ARHGAP44: variants seen among roughly 807,000 people sequenced by gnomAD.
ARHGAP44 encodes the protein rho GTPase-activating protein 44.
ARHGAP44 carries 43 observed loss-of-function variants against 106.8 expected under a neutral mutation model. The ratio of observed to expected loss-of-function variants is 0.40; its 90% CI spans 0.32 to 0.52. The LOEUF is 0.52. Ranked by LOEUF, ARHGAP44 falls within the 20% of genes least tolerant of loss-of-function variation. The probability of loss-of-function intolerance (pLI) is 0.48; values close to 1 mark genes in which losing one functional copy is unlikely to be tolerated. For missense variants in ARHGAP44, 866 were observed against 1,050.5 expected (o/e 0.82, Z 2.43); for synonymous variants, 439 against 410.3 (o/e 1.07, Z -0.85).
intron 1 of ARHGAP44, among the ~76,000 whole-genome samples, chr17:12,887,967 A>G (rs1044232117): frequency 6.6e-6 from 1 of 151,632 alleles, no homozygotes; most frequent in African/African-American, 2.4e-5. Flanking sequence ...GGGTATGTTA[A>G]TGATATTCCC....
intron 1 of ARHGAP44, among the ~76,000 whole-genome samples, chr17:12,879,528 A>T (rs535174675): frequency 2.4e-4 from 36 of 152,186 alleles, no homozygotes; most frequent in African/African-American, 8.4e-4. Context: ...CATGTAGTTG[A>T]TGTATGAGTA....
intron 16 of ARHGAP44, among the ~76,000 whole-genome samples, chr17:12,968,656 C>A (rs765507233): frequency 5.9e-5 from 9 of 152,104 alleles, no homozygotes; most frequent in African/African-American, 1.7e-4. Flanking sequence ...CAGAGCCCCG[C>A]GAGACTAAGA....
In ARHGAP44 at chr17:12,881,344, C is replaced by T. The variant is rs1234332523; in HGVS notation, c.54-13596C>T. Among the ~76,000 whole-genome samples, 8 of 151,798 alleles carry T rather than the reference C, an allele frequency of 5.3e-5. No homozygotes were observed. In the South Asian group the frequency reaches 1.0e-3, roughly 20 times the overall value. On this transcript the variant is annotated intron_variant, in intron 1 of 20. Coordinates refer to ENST00000379672, the MANE Select transcript of ARHGAP44 (RefSeq NM_014859.6). ...TCATTGGTATTTGACTTTTGTGTAC[C>T]GTGTAGAGTAGAAACCCTATTTCTT...
At chr17:12,889,528 A>T (rs1032141151) in intron 1 of ARHGAP44, among the ~76,000 whole-genome samples, 1 of 152,148 alleles carries the variant, frequency 6.6e-6, no homozygotes, top group African/African-American at 2.4e-5. Context: ...ATTAGATCCC[A>T]CTTCTCAACA....
chr17:12,880,197 T>A (rs1036298313), intron 1 of ARHGAP44, among the ~76,000 whole-genome samples: 5 of 152,152 alleles, frequency 3.3e-5, no homozygotes, highest in African/African-American at 1.2e-4. Context: ...TTCATATTAT[T>A]TATTTGATGC....
At chr17:12,867,430 C>T (rs1415676726) in intron 1 of ARHGAP44, among the ~76,000 whole-genome samples, 1 of 152,096 alleles carries the variant, frequency 6.6e-6, no homozygotes, top group Non-Finnish European at 1.5e-5. Flanking sequence ...GGTCCTCTCA[C>T]CAAAGTGAAT....
intron 7 of ARHGAP44, among the ~76,000 whole-genome samples, chr17:12,937,547 T>A (rs2038584155): frequency 6.6e-6 from 1 of 152,218 alleles, no homozygotes; most frequent in Non-Finnish European, 1.5e-5. Context: ...ATAATTCTTG[T>A]GTTTGCCTGC....
intron 16 of ARHGAP44, 145 bp downstream of exon 16, chr17:12,959,042 G>A (rs9904572): frequency 0.35 from 348,934 of 984,526 alleles, 65,704 homozygotes; most frequent in East Asian, 0.67. Context: ...AACTGTATCT[G>A]CTGTGTCTGG....
chr17:12,954,855 CT>C (rs2039088887), intron 13 of ARHGAP44, among the ~76,000 whole-genome samples: 1 of 151,952 alleles, frequency 6.6e-6, no homozygotes, highest in African/African-American at 2.4e-5. Context: ...TATAAAATAA[CT>C]TTATTAAGCT....
chr17:12,909,225 A>G (rs2037649824), intron 4 of ARHGAP44, among the ~76,000 whole-genome samples: 1 of 152,190 alleles, frequency 6.6e-6, no homozygotes, highest in Non-Finnish European at 1.5e-5. Flanking sequence ...GGGCCCTAGC[A>G]GAAGCAAATA....
intron 1 of ARHGAP44, among the ~76,000 whole-genome samples, chr17:12,827,060 T>G (rs1270536232): frequency 6.6e-6 from 1 of 152,220 alleles, no homozygotes; most frequent in East Asian, 1.9e-4. Flanking sequence ...TACTGGACCT[T>G]CAGTACAGAG....
At chr17:12,849,180 G>A (rs529212649) in intron 1 of ARHGAP44, among the ~76,000 whole-genome samples, 1 of 151,736 alleles carries the variant, frequency 6.6e-6, no homozygotes, top group East Asian at 1.9e-4. Flanking sequence ...TTTTTTCTAG[G>A]GTCTGCACGC....
intron 1 of ARHGAP44, among the ~76,000 whole-genome samples, chr17:12,803,305 C>T (rs1371940532): frequency 6.6e-6 from 1 of 151,860 alleles, no homozygotes; most frequent in Non-Finnish European, 1.5e-5. Flanking sequence ...TGGGGTTTCA[C>T]TGTGTTGGCC....
chr17:12,828,786 C>T (rs1290353006), intron 1 of ARHGAP44, among the ~76,000 whole-genome samples: 1 of 151,594 alleles, frequency 6.6e-6, no homozygotes, highest in African/African-American at 2.4e-5. Context: ...GGACTACAGG[C>T]GTCCGCCACC....
At position 12,914,014 on chromosome 17, in the gene ARHGAP44, A is replaced by G. The variant is rs12603489; in HGVS notation, c.276-1886A>G. Among the ~76,000 whole-genome samples, 543 of 151,368 alleles carry G rather than the reference A, an allele frequency of 3.6e-3. 16 individuals carry two copies. In the East Asian group the frequency reaches 0.065, roughly 18 times the overall value. On this transcript the variant is annotated intron_variant, in intron 4 of 20. Coordinates refer to ENST00000379672, the MANE Select transcript of ARHGAP44 (RefSeq NM_014859.6). The stretch of plus-strand genomic sequence containing the variant: ...AAGGCACCATTAAAGACATACAAAG[A>G]TAAAAGCACACCTGGGCACTGACAT...
intron 16 of ARHGAP44, among the ~76,000 whole-genome samples, chr17:12,968,741 T>C (rs1388197397): frequency 6.6e-6 from 1 of 151,696 alleles, no homozygotes; most frequent in Non-Finnish European, 1.5e-5. Context: ...TTCCCTGTTC[T>C]ATTTCTTTTT....
chr17:12,831,436 A>T (rs2035085888), intron 1 of ARHGAP44, among the ~76,000 whole-genome samples: 1 of 152,220 alleles, frequency 6.6e-6, no homozygotes, highest in Non-Finnish European at 1.5e-5. Context: ...TTCAGCATGA[A>T]CTGGACTCAG....
At chr17:12,933,798 T>A (rs2038466313) in intron 7 of ARHGAP44, among the ~76,000 whole-genome samples, 1 of 152,138 alleles carries the variant, frequency 6.6e-6, no homozygotes, top group Non-Finnish European at 1.5e-5. Context: ...AGTGACACTT[T>A]CCATCATCAC....
chr17:12,875,983 A>G (rs1362117999), intron 1 of ARHGAP44, among the ~76,000 whole-genome samples: 1 of 152,168 alleles, frequency 6.6e-6, no homozygotes, highest in African/African-American at 2.4e-5. Context: ...CTTATATTCT[A>G]TGTTATTCCA....
Sources: allele counts gnomAD v4.1 joint callset (sites outside exome capture counted in the v4.1 genomes callset), GRCh38; gene constraint gnomAD v4.1.1; transcripts MANE v1.5; gene names NCBI Gene and HGNC (gene_info 2026-07-23, HGNC 2026-07-21).